Variants in JDP2 observed in about 807,000 individuals in gnomAD.
JDP2 encodes Jun dimerization protein 2.
A neutral mutation model predicts 17.1 loss-of-function variants in JDP2; 9 were observed. The ratio of observed to expected loss-of-function variants is 0.53; its 90% CI spans 0.32 to 0.92. The LOEUF (loss-of-function observed/expected upper bound fraction) is 0.92. Among genes scored for constraint, JDP2 ranks in the 40% least tolerant of loss-of-function variants. The pLI is 0.04. For synonymous variants in JDP2, 107 were observed against 95.6 expected (o/e 1.12, Z -0.69); for missense variants, 179 against 220.0 (o/e 0.81, Z 1.18).
At chr14:75,433,939 ACCT>A (rs1884938871) in intron 1 of JDP2, among the ~76,000 whole-genome samples, 2 of 151,760 alleles carry the variant, frequency 1.3e-5, no homozygotes, top group Admixed American at 1.3e-4. Context: ...TGCCTTTCAG[ACCT>A]CCTGGGCCCT....
intron 1 of JDP2, among the ~76,000 whole-genome samples, chr14:75,436,741 A>G (rs1029683203): frequency 1.3e-5 from 2 of 152,128 alleles, no homozygotes; most frequent in East Asian, 1.9e-4. Flanking sequence ...TGAAATGACC[A>G]TTTCTTACCC....
At chr14:75,457,336 C>G (rs1024265717) in intron 2 of JDP2, among the ~76,000 whole-genome samples, 1 of 152,214 alleles carries the variant, frequency 6.6e-6, no homozygotes, top group South Asian at 2.1e-4. Context: ...CGAAGGAGCC[C>G]CAAGAAGGGC....
intron 2 of JDP2, among the ~76,000 whole-genome samples, chr14:75,458,221 G>A (rs1254105470): frequency 6.6e-6 from 1 of 152,116 alleles, no homozygotes; most frequent in Non-Finnish European, 1.5e-5. Context: ...TGTTATATAG[G>A]TAAATTCATG....
chr14:75,462,824 G>A lies in JDP2; in HGVS notation c.306+1294G>A, dbSNP rs143426861. Among the ~76,000 whole-genome samples, 12 of 152,176 alleles carry A rather than the reference G, an allele frequency of 7.9e-5. No homozygotes were observed. The East Asian group carries it at 1.2e-3, about 15-fold the overall frequency. On this transcript the variant is annotated intron_variant, in intron 3 of 3. Transcript: ENST00000651602. Reference sequence around the variant, plus strand: ...TCATGGGTGTAGACAGCATGGGGCCGTGTATCTACCTCCAGGCTGTGAGTG... The same window carrying A: ...TCATGGGTGTAGACAGCATGGGGCCATGTATCTACCTCCAGGCTGTGAGTG...
intron 2 of JDP2, among the ~76,000 whole-genome samples, chr14:75,448,677 C>T (rs57251975): frequency 0.039 from 5,916 of 152,296 alleles, 248 homozygotes; most frequent in African/African-American, 0.11. Flanking sequence ...GCCACGTCCA[C>T]GCCCTAAGGG....
At chr14:75,462,630 C>T (rs1317312651) in intron 3 of JDP2, among the ~76,000 whole-genome samples, 1 of 152,142 alleles carries the variant, frequency 6.6e-6, no homozygotes, top group East Asian at 1.9e-4. Context: ...TAAGCATGTA[C>T]TAAATGTGCA....
intron 1 of JDP2, among the ~76,000 whole-genome samples, chr14:75,433,728 T>A (rs536863114): frequency 2.0e-3 from 302 of 152,150 alleles, no homozygotes; most frequent in Non-Finnish European, 3.5e-3. Flanking sequence ...ATCTTGGATG[T>A]GTGCTTCACC....
In JDP2 at chr14:75,471,079, C is replaced by T. The variant is rs1157675546; in HGVS notation, c.*1604C>T. On this transcript the variant is annotated 3_prime_UTR_variant, in exon 4 of 4. Coordinates refer to ENST00000651602, the MANE Select transcript of JDP2 (RefSeq NM_001135048.2). ...CTCCCTCCAGAGGCCTGTGACTCTC[C>T]TCCTGTCACCAACCCACTATGATTG... is the stretch of plus-strand genomic sequence containing the variant. The T allele has an allele frequency of 6.6e-6, 1 of 152,248 alleles. No individual in the cohort carries two copies. The highest frequency in any genetic ancestry group is 2.4e-5 in the African/African-American group (1 of 41,458). 9.4% of individuals were successfully genotyped at this position (152,248 alleles called of 1,614,324 possible).
At chr14:75,444,767 A>C (rs1330397441) in intron 2 of JDP2, among the ~76,000 whole-genome samples, 1 of 152,248 alleles carries the variant, frequency 6.6e-6, no homozygotes, top group Non-Finnish European at 1.5e-5. Flanking sequence ...TTCCATGTGT[A>C]GTGAACTACC....
intron 1 of JDP2, chr14:75,432,339 A>T: frequency 6.4e-7 from 1 of 1,551,510 alleles, no homozygotes; most frequent in Non-Finnish European, 8.7e-7. Flanking sequence ...GGTAGCAGGT[A>T]CTATGCGCCA....
At chr14:75,457,068 C>G (rs564111162) in intron 2 of JDP2, among the ~76,000 whole-genome samples, 9 of 152,306 alleles carry the variant, frequency 5.9e-5, no homozygotes, top group African/African-American at 2.2e-4. Flanking sequence ...AAGCATGCTC[C>G]CCTCCCACCC....
chr14:75,465,860 A>G (rs1337416967), intron 3 of JDP2, among the ~76,000 whole-genome samples: 1 of 152,172 alleles, frequency 6.6e-6, no homozygotes, highest in Admixed American at 6.5e-5. Context: ...AAATGGTTTC[A>G]TTTTCTCTGG....
At chr14:75,465,322 G>A (rs1434790625) in intron 3 of JDP2, among the ~76,000 whole-genome samples, 1 of 152,096 alleles carries the variant, frequency 6.6e-6, no homozygotes, top group South Asian at 2.1e-4. Flanking sequence ...GATTCAGATG[G>A]TCTTTTGTTG....
At chr14:75,465,391 G>A (rs528280377) in intron 3 of JDP2, among the ~76,000 whole-genome samples, 1 of 152,308 alleles carries the variant, frequency 6.6e-6, no homozygotes, top group Non-Finnish European at 1.5e-5. Context: ...GAGTGCAGTA[G>A]CATAGTCATA....
chr14:75,439,288 A>C (rs559443479), intron 2 of JDP2, among the ~76,000 whole-genome samples: 2 of 152,266 alleles, frequency 1.3e-5, no homozygotes, highest in African/African-American at 4.8e-5. Flanking sequence ...CGTGGTGGCA[A>C]ACTGGCCATT....
At position 75,469,816 on chromosome 14, in the gene JDP2, C is replaced by T; in HGVS notation, c.*341C>T. The T allele has an allele frequency of 5.0e-6, 1 of 201,264 alleles. No homozygotes were observed. The highest frequency in any genetic ancestry group is 1.0e-5 in the Non-Finnish European group (1 of 99,546). The allele number at this position is 201,264 out of a possible 1,614,324, so 12.5% of individuals were successfully genotyped here. A position where few individuals can be genotyped will look rare whatever the true frequency, so the allele number is the denominator to read the frequency against. ...GCCCTGGGCTCTTCTCTGGCCTCTT[C>T]ACCAGGGCACCCATCCAAGGAACCT... is the stretch of plus-strand genomic sequence containing the variant. On this transcript the variant is annotated 3_prime_UTR_variant, in exon 4 of 4. Transcript: ENST00000651602.
At chr14:75,432,378 T>C in intron 1 of JDP2, 1 of 1,543,942 alleles carries the variant, frequency 6.5e-7, no homozygotes, top group Non-Finnish European at 8.8e-7. Context: ...CTTTCTGACC[T>C]TCTCTGTGGA....
At chr14:75,461,555 G>T (rs767860700) in intron 3 of JDP2, 25 bp downstream of exon 3, 1 of 1,543,172 alleles carries the variant, frequency 6.5e-7, no homozygotes, top group Non-Finnish European at 8.8e-7. Context: ...TGGGTGGGGA[G>T]GCCTGCCATT....
At chr14:75,445,104 T>G in intron 2 of JDP2, 1 of 985,382 alleles carries the variant, frequency 1.0e-6, no homozygotes, top group South Asian at 4.7e-5. Flanking sequence ...ACCGGCAACA[T>G]GGACTCAGAG....
Sources: allele counts gnomAD v4.1 joint callset (sites outside exome capture counted in the v4.1 genomes callset), GRCh38; gene constraint gnomAD v4.1.1; transcripts MANE v1.5; gene names NCBI Gene and HGNC (gene_info 2026-07-23, HGNC 2026-07-21).